The following ZRANB3 variants were observed in gnomAD, a reference collection of about 807,000 sequenced individuals.
ZRANB3 encodes zinc finger RANBP2-type containing 3.
In ZRANB3, 125 loss-of-function variants were observed where a neutral mutation model predicts 133.8. The observed-to-expected ratio is 0.93, with a 90% confidence interval of 0.81 to 1.08. The LOEUF (loss-of-function observed/expected upper bound fraction) is 1.08. Ranked by LOEUF, ZRANB3 falls within the 50% of genes least tolerant of loss-of-function variation. The pLI is 0.00. For missense variants in ZRANB3, 1,229 were observed against 1,275.5 expected, an observed-to-expected ratio of 0.96 and a Z score of 0.56; for synonymous variants, 387 against 432.7, an observed-to-expected ratio of 0.89 and a Z score of 1.31.
At chr2:135,476,417 A>G (rs1691500163) in intron 2 of ZRANB3, among the ~76,000 whole-genome samples, 1 of 152,182 alleles carries the variant, frequency 6.6e-6, no homozygotes, top group Non-Finnish European at 1.5e-5. Context: ...ATGTCTGTAG[A>G]TAAGGGACAG....
chr2:135,353,995 C>T (rs1258942718), intron 3 of ZRANB3, among the ~76,000 whole-genome samples: 3 of 151,480 alleles, frequency 2.0e-5, no homozygotes, highest in African/African-American at 7.3e-5. Context: ...CAGAGTAAGG[C>T]TGTCTAAAAA....
chr2:135,395,438 A>G (rs1687445459), intron 2 of ZRANB3, among the ~76,000 whole-genome samples: 1 of 137,020 alleles, frequency 7.3e-6, no homozygotes, highest in South Asian at 2.3e-4. Context: ...ATGGGCAAAG[A>G]TTTCTTTTTT....
chr2:135,315,237 TAATTAAACCTATTTTAAG>T, intron 7 of ZRANB3, 104 bp downstream of exon 7: 3 of 970,618 alleles, frequency 3.1e-6, no homozygotes, highest in Non-Finnish European at 4.1e-6. Context: ...TAGGCTCTAT[TAATTAAACCTATTTTAAG>T]AAAGCAAACC....
intron 2 of ZRANB3, among the ~76,000 whole-genome samples, chr2:135,494,159 A>AGGGAGGG (rs1692548475): frequency 1.1e-5 from 1 of 90,792 alleles, no homozygotes; most frequent in African/African-American, 5.1e-5. Context: ...GGAAGGAAGG[A>AGGGAGGG]AGGAAGGGAG....
chr2:135,354,378 G>A (rs1258171526), intron 3 of ZRANB3, among the ~76,000 whole-genome samples: 1 of 152,178 alleles, frequency 6.6e-6, no homozygotes, highest in Admixed American at 6.5e-5. Flanking sequence ...AAACTCGTAT[G>A]AGATCCCAGG....
chr2:135,420,827 A>G (rs1294174498), intron 2 of ZRANB3, among the ~76,000 whole-genome samples: 2 of 152,160 alleles, frequency 1.3e-5, no homozygotes, highest in East Asian at 3.8e-4. Flanking sequence ...GTTTTTATGT[A>G]AAGAAATTAA....
At chr2:135,269,254 G>T in intron 10 of ZRANB3, 113 bp from the exon 11 acceptor site, 1 of 839,612 alleles carries the variant, frequency 1.2e-6, no homozygotes, top group Non-Finnish European at 1.7e-6. Flanking sequence ...CAAATTAGTT[G>T]TCTATTTTAG....
chr2:135,305,038 G>A (rs1231212182), intron 8 of ZRANB3, among the ~76,000 whole-genome samples: 1 of 151,994 alleles, frequency 6.6e-6, no homozygotes, highest in Non-Finnish European at 1.5e-5. Flanking sequence ...ATGCAGTGGT[G>A]CGATCTCGGC....
chr2:135,416,797 T>C lies in ZRANB3; in HGVS notation c.162-25977A>G, dbSNP rs559641236. Among the ~76,000 whole-genome samples the C allele has an allele frequency of 3.3e-5, 5 of 152,128 alleles. No individual in the cohort carries two copies. In the East Asian group the frequency reaches 9.7e-4, roughly 29 times the overall value. On this transcript the variant is annotated intron_variant, in intron 2 of 20. Coordinates refer to ENST00000264159, the MANE Select transcript of ZRANB3 (RefSeq NM_032143.4). ...TGGAAGAGAACAGAGCCCTCAGAAA[T>C]AACGCCACATATCTACAACTATCTG...
At chr2:135,281,617 G>A (rs1375241591) in intron 8 of ZRANB3, among the ~76,000 whole-genome samples, 1 of 152,118 alleles carries the variant, frequency 6.6e-6, no homozygotes. Context: ...AGCTGTTGAG[G>A]GCAAGCAGTG....
intron 17 of ZRANB3, among the ~76,000 whole-genome samples, chr2:135,210,272 A>G (rs1283733247): frequency 4.6e-5 from 7 of 152,218 alleles, no homozygotes; most frequent in Admixed American, 3.3e-4. Context: ...GTATTTCCCT[A>G]TCTCTCAGAG....
At chr2:135,332,177 T>A (rs1684176564) in intron 6 of ZRANB3, among the ~76,000 whole-genome samples, 1 of 152,144 alleles carries the variant, frequency 6.6e-6, no homozygotes, top group Non-Finnish European at 1.5e-5. Context: ...TCCTTTCCAT[T>A]TTTATTGTTA....
At chr2:135,289,938 T>G (rs563394195) in intron 8 of ZRANB3, among the ~76,000 whole-genome samples, 2 of 152,268 alleles carry the variant, frequency 1.3e-5, no homozygotes, top group African/African-American at 4.8e-5. Flanking sequence ...TTTCTGAAAT[T>G]TATTAAGGCT....
At chr2:135,471,868 A>C (rs4953952) in intron 2 of ZRANB3, among the ~76,000 whole-genome samples, 28,850 of 152,230 alleles carry the variant, frequency 0.19, 3,647 homozygotes, top group South Asian at 0.33. Flanking sequence ...ATCAGTCATT[A>C]CATGACTAGT....
intron 19 of ZRANB3, among the ~76,000 whole-genome samples, chr2:135,204,876 G>A (rs76396935): frequency 0.024 from 3,587 of 151,258 alleles, 62 homozygotes; most frequent in Admixed American, 0.064. Flanking sequence ...TGTTTTAGAT[G>A]TCTATTATAT....
At chr2:135,223,248 T>TA (rs1039297645) in intron 15 of ZRANB3, among the ~76,000 whole-genome samples, 16 of 150,310 alleles carry the variant, frequency 1.1e-4, no homozygotes, top group African/African-American at 3.2e-4. Flanking sequence ...GAGACTGTCC[T>TA]AAAAAAAACA....
chr2:135,303,062 T>C (rs908596470), intron 8 of ZRANB3, among the ~76,000 whole-genome samples: 2 of 152,312 alleles, frequency 1.3e-5, no homozygotes, highest in African/African-American at 4.8e-5. Flanking sequence ...CAATGAACAC[T>C]GATCTAACAA....
chr2:135,384,682 G>A (rs1415818333), intron 3 of ZRANB3, among the ~76,000 whole-genome samples: 1 of 152,136 alleles, frequency 6.6e-6, no homozygotes, highest in Admixed American at 6.5e-5. Flanking sequence ...TGCAAGGCTG[G>A]TTCAACATAT....
At chr2:135,386,383 C>T (rs994399329) in intron 3 of ZRANB3, among the ~76,000 whole-genome samples, 7 of 152,176 alleles carry the variant, frequency 4.6e-5, no homozygotes, top group African/African-American at 1.4e-4. Context: ...AATGCTTTAA[C>T]ACTGTTGGTG....
Sources: allele counts gnomAD v4.1 joint callset (sites outside exome capture counted in the v4.1 genomes callset), GRCh38; gene constraint gnomAD v4.1.1; transcripts MANE v1.5; gene names NCBI Gene and HGNC (gene_info 2026-07-23, HGNC 2026-07-21).